The following CFAP44 variants were observed in gnomAD, a reference collection of about 807,000 sequenced individuals.
CFAP44 encodes the protein cilia and flagella associated protein 44.
Under a neutral mutation model 216.2 loss-of-function variants are expected in CFAP44, and 134 were observed. The ratio of observed to expected loss-of-function variants is 0.62; its 90% CI spans 0.54 to 0.72. CFAP44 has a LOEUF of 0.72. CFAP44 is among the 30% of genes least tolerant of loss of function. CFAP44 has a pLI of 0.00. For missense variants in CFAP44, 2,035 were observed against 2,182.1 expected, an observed-to-expected ratio of 0.93 and a Z score of 1.34; for synonymous variants, 700 against 727.6, an observed-to-expected ratio of 0.96 and a Z score of 0.61.
chr3:113,344,644 G>A lies in CFAP44; in HGVS notation c.3134C>T (p.Ser1045Phe), dbSNP rs891646822. ...HAILSDHKIS[S>F]YRLVQPSKYS... The stretch of plus-strand genomic sequence containing the variant: ...CTTAGAGGGCTGCACCAGCCTGTAA[G>A]AGGATATCTTGTGGTCACTCAGTAT... Residue 1045 changes from serine to phenylalanine, a missense_variant, in exon 23 of 35, where the codon TCT becomes TTT. Ser to Phe is a radical substitution (Grantham distance 155). Coordinates refer to ENST00000393845, the MANE Select transcript of CFAP44 (RefSeq NM_001164496.2). 7 of 1,536,928 alleles carry A rather than the reference G, an allele frequency of 4.6e-6. No individual in the cohort carries two copies. In the African/African-American group the frequency reaches 9.6e-5, roughly 21 times the overall value.
intron 28 of CFAP44, among the ~76,000 whole-genome samples, chr3:113,315,814 T>A (rs1413181268): frequency 6.6e-6 from 1 of 152,238 alleles, no homozygotes; most frequent in Non-Finnish European, 1.5e-5. Flanking sequence ...AGGTTTTGTT[T>A]TAGATGATCT....
intron 26 of CFAP44, 93 bp from the exon 27 acceptor site, chr3:113,327,912 T>G: frequency 8.8e-7 from 1 of 1,131,988 alleles, no homozygotes; most frequent in Non-Finnish European, 1.2e-6. Flanking sequence ...GAAGTCATTT[T>G]TTATTATGCC....
Position 113,307,389 on chromosome 3 carries a change from A to C in CFAP44, c.4627+769T>G, listed in dbSNP as rs571840580. The stretch of plus-strand genomic sequence containing the variant: ...TGGCTGCCTAAGAGAACAGATAATA[A>C]ATCACCCAGAGAGCCCCCAAAAGTA... On this transcript the variant is annotated intron_variant, in intron 29 of 34. Coordinates refer to ENST00000393845, the MANE Select transcript of CFAP44 (RefSeq NM_001164496.2). Among the ~76,000 whole-genome samples the C allele has an allele frequency of 1.0e-3, 156 of 152,316 alleles. 2 individuals are homozygous for C. Among genetic ancestry groups the C allele is most frequent in the Non-Finnish European group, 1.6e-4 (11 of 68,028 alleles).
intron 22 of CFAP44, among the ~76,000 whole-genome samples, chr3:113,350,513 T>A (rs2107827725): frequency 6.6e-6 from 1 of 152,194 alleles, no homozygotes; most frequent in South Asian, 2.1e-4. Context: ...AAAGCCAGGG[T>A]AAATTTAAAA....
chr3:113,367,862 T>A (rs566377399), intron 18 of CFAP44, among the ~76,000 whole-genome samples: 15 of 152,258 alleles, frequency 9.9e-5, no homozygotes, highest in African/African-American at 3.4e-4. Flanking sequence ...GATGAATGGC[T>A]AACTAGAATG....
intron 18 of CFAP44, among the ~76,000 whole-genome samples, chr3:113,368,759 A>C (rs973630772): frequency 2.0e-5 from 3 of 152,242 alleles, no homozygotes; most frequent in African/African-American, 4.8e-5. Context: ...TTAAATGTAA[A>C]TGGGCTAAAT....
Position 113,396,611 on chromosome 3 carries a change from A to C in CFAP44, c.1686T>G (p.Asp562Glu), listed in dbSNP as rs766498797. 3.3e-5 allele frequency: 53 copies of C among 1,614,046 alleles called. 1 individual carries two copies. In the South Asian group the frequency reaches 4.9e-4, roughly 15 times the overall value. Residue 562 changes from aspartate to glutamate, a missense_variant, in exon 14 of 35, where the codon GAT (aspartate) becomes GAG (glutamate). Asp to Glu is a conservative substitution (Grantham distance 45, BLOSUM62 2). Around this residue, in one of 3 missense-constraint regions of CFAP44, gnomAD observed 1,883 missense variants for 2,023.7 expected, o/e 0.93. Coordinates refer to ENST00000393845, the MANE Select transcript of CFAP44 (RefSeq NM_001164496.2). ...TIFAGRKKIL[D>E]ADIQLKQVFK... ...AAACCTGTTTCAACTGAATATCAGC[A>C]TCCAAAATTTTCTTCCGTCCCGCAA...
chr3:113,422,962 A>T (rs1015262097), intron 4 of CFAP44, among the ~76,000 whole-genome samples: 1 of 152,102 alleles, frequency 6.6e-6, no homozygotes, highest in Non-Finnish European at 1.5e-5. Context: ...CTAAATTACA[A>T]CTTACTGAGG....
intron 6 of CFAP44, 104 bp from the exon 7 acceptor site, chr3:113,409,426 A>G: frequency 2.1e-6 from 2 of 964,118 alleles, no homozygotes; most frequent in Non-Finnish European, 1.5e-6. Context: ...TGATGTAAGA[A>G]TGCCAAGAAT....
intron 22 of CFAP44, among the ~76,000 whole-genome samples, chr3:113,353,787 A>G (rs1010798012): frequency 5.3e-5 from 8 of 152,028 alleles, no homozygotes; most frequent in African/African-American, 1.9e-4. Flanking sequence ...AACCAGAGTC[A>G]GAGAGAGAGA....
In CFAP44 at chr3:113,374,943, T is replaced by G. The variant is rs114748205; in HGVS notation, c.2299-1387A>C. Among the ~76,000 whole-genome samples, 1,354 of 152,238 alleles carry G rather than the reference T, an allele frequency of 8.9e-3. 16 individuals carry two copies. The highest frequency in any genetic ancestry group is 0.03 in the African/African-American group (1,263 of 41,540). On this transcript the variant is annotated intron_variant, in intron 17 of 34. Coordinates refer to ENST00000393845, the MANE Select transcript of CFAP44 (RefSeq NM_001164496.2). ...GAGCCACCGTGCCTGGCCCCAAATG[T>G]CTATTTATGACTGAGTATATAAGCA...
intron 29 of CFAP44, among the ~76,000 whole-genome samples, chr3:113,307,483 T>C (rs984284314): frequency 5.9e-5 from 9 of 152,186 alleles, no homozygotes; most frequent in Admixed American, 1.3e-4. Flanking sequence ...ACTCCTGCAC[T>C]CCCTTCATTT....
At chr3:113,353,453 TACACACACACACACACACACACAC>T (rs34714015) in intron 22 of CFAP44, among the ~76,000 whole-genome samples, 3 of 141,722 alleles carry the variant, frequency 2.1e-5, no homozygotes, top group African/African-American at 7.9e-5. Flanking sequence ...TATGTATGAA[TACACACACACACACACACACACAC>T]ACACACACAC....
chr3:113,400,593 CG>C lies in CFAP44; in HGVS notation c.1425del (p.Val476TrpfsTer33). On this transcript the variant is annotated frameshift_variant, in exon 12 of 35. Coordinates refer to ENST00000393845, the MANE Select transcript of CFAP44 (RefSeq NM_001164496.2). LOFTEE classifies it high-confidence loss of function. ...AGATAAGTGAGAGGAGAAACAGCCACGGCTTCAATAGCTCCAGAATGGAAGG... is the reference window on the plus strand; with the variant it reads ...AGATAAGTGAGAGGAGAAACAGCCACGCTTCAATAGCTCCAGAATGGAAGG... The part of the protein sequence containing the change: ...LFSFHSGAIE[A>X]VAVSPLTYLM... 1 of 1,610,736 alleles carries C rather than the reference CG, an allele frequency of 6.2e-7. No individual in the cohort carries two copies. Among genetic ancestry groups the C allele is most frequent in the Non-Finnish European group, 8.5e-7 (1 of 1,178,378 alleles).
intron 2 of CFAP44, among the ~76,000 whole-genome samples, 167 bp downstream of exon 2, chr3:113,433,398 T>C (rs1335506734): frequency 7.0e-5 from 7 of 99,822 alleles, no homozygotes; most frequent in Non-Finnish European, 3.7e-5. Flanking sequence ...CATTGCACTA[T>C]AGCCTGGGCA....
At chr3:113,400,703 C>G (rs1388162374) in intron 11 of CFAP44, 59 bp from the exon 12 acceptor site, 3 of 1,449,354 alleles carry the variant, frequency 2.1e-6, no homozygotes, top group Non-Finnish European at 2.9e-6. Flanking sequence ...GAATTAAGAT[C>G]AAGTTTAAAA....
chr3:113,400,714 A>C, intron 11 of CFAP44, 70 bp from the exon 12 acceptor site: 14 of 1,358,412 alleles, frequency 1.0e-5, no homozygotes, highest in Non-Finnish European at 1.4e-5. Context: ...AAGTTTAAAA[A>C]AATGCAAAGA....
In CFAP44 at chr3:113,333,516, C is replaced by A. The variant is rs757909999; in HGVS notation, c.3505G>T (p.Val1169Leu). ...TTCAGATTGAAATCTCCCATATACA[C>A]CTGGGCTTCTTTGATGGCTTGAAGA... is the stretch of plus-strand genomic sequence containing the variant. ...KDLQAIKEAQ[V>L]YMGDFNLKTA... is the part of the protein sequence containing the mutation. Residue 1169 changes from valine to leucine, a missense_variant, in exon 25 of 35, where the codon GTG becomes TTG. Around this residue, in one of 3 missense-constraint regions of CFAP44, gnomAD observed 1,883 missense variants for 2,023.7 expected, o/e 0.93. Coordinates refer to ENST00000393845, the MANE Select transcript of CFAP44 (RefSeq NM_001164496.2). The A allele has an allele frequency of 1.3e-6, 2 of 1,537,072 alleles. No individual in the cohort carries two copies. Among genetic ancestry groups the A allele is most frequent in the African/African-American group, 1.4e-5 (1 of 73,114 alleles).
At position 113,419,979 on chromosome 3, in the gene CFAP44, GT is replaced by G. The variant is rs773719081; in HGVS notation, c.570+37del. 5.0e-6 allele frequency: 8 copies of G among 1,600,880 alleles called. No homozygotes were observed. The East Asian group carries it at 6.7e-5, about 13-fold the overall frequency. Reference sequence around the variant, plus strand: ...TCCACAGAACAAGCAAAAAGATAGGGTTTTTTGGGGTTTTTTTCTAATTTAT... The same window carrying G: ...TCCACAGAACAAGCAAAAAGATAGGGTTTTTGGGGTTTTTTTCTAATTTAT... On this transcript the variant is annotated intron_variant, in intron 5 of 34. Coordinates refer to ENST00000393845, the MANE Select transcript of CFAP44 (RefSeq NM_001164496.2).
Sources: gnomAD v4.1 joint callset for allele counts (sites outside exome capture counted in the v4.1 genomes callset) on GRCh38, gnomAD v4.1.1 for gene constraint, gnomAD v4.1.1 regional missense constraint, MANE v1.5 for transcripts, NCBI Gene and HGNC (gene_info 2026-07-23, HGNC 2026-07-21) for gene names.